The following SOX5 variants were observed in gnomAD, a reference collection of about 807,000 sequenced individuals.
SOX5 encodes transcription factor SOX-5.
In SOX5, 9 loss-of-function variants were observed where a neutral mutation model predicts 92.0. That is an observed-to-expected ratio of 0.10 (90% confidence interval 0.06 to 0.17). The LOEUF is 0.17. SOX5 is among the 10% of genes least tolerant of loss of function. SOX5 has a pLI of 1.00. For missense variants in SOX5, 642 were observed against 944.5 expected, an observed-to-expected ratio of 0.68 and a Z score of 4.20; for synonymous variants, 344 against 336.3, an observed-to-expected ratio of 1.02 and a Z score of -0.25.
chr12:24,296,098 T>C (rs1294142741), intron 2 of SOX5, among the ~76,000 whole-genome samples: 1 of 152,216 alleles, frequency 6.6e-6, no homozygotes, highest in Non-Finnish European at 1.5e-5. Flanking sequence ...AACACAGTGC[T>C]GAAAAACTTC....
chr12:23,546,504 A>G (rs1036451546), intron 11 of SOX5, 80 bp from the exon 12 acceptor site: 2 of 758,414 alleles, frequency 2.6e-6, no homozygotes, highest in Middle Eastern at 2.5e-4. Context: ...CACATATATA[A>G]TACATTAACT....
At chr12:23,735,205 T>C (rs2093544441) in intron 5 of SOX5, among the ~76,000 whole-genome samples, 1 of 152,196 alleles carries the variant, frequency 6.6e-6, no homozygotes, top group Non-Finnish European at 1.5e-5. Context: ...TTTTTGTTTT[T>C]AGGTAAGTAA....
intron 1 of SOX5, among the ~76,000 whole-genome samples, chr12:24,504,898 G>T (rs1054985285): frequency 6.6e-6 from 1 of 151,928 alleles, no homozygotes; most frequent in Non-Finnish European, 1.5e-5. Context: ...TTTTCATGCC[G>T]CATTGAAGAT....
At chr12:24,098,752 C>A (rs561325015) in intron 4 of SOX5, among the ~76,000 whole-genome samples, 2 of 152,240 alleles carry the variant, frequency 1.3e-5, no homozygotes, top group South Asian at 4.1e-4. Context: ...CCAGAAAAGG[C>A]AGACTTGTGC....
chr12:23,564,976 T>A (rs1946824724), intron 10 of SOX5, among the ~76,000 whole-genome samples: 1 of 152,206 alleles, frequency 6.6e-6, no homozygotes, highest in South Asian at 2.1e-4. Context: ...CCTGTTAGTA[T>A]GCGCAGAGTA....
intron 1 of SOX5, among the ~76,000 whole-genome samples, chr12:24,552,902 C>T (rs1953344335): frequency 6.6e-6 from 1 of 152,040 alleles, no homozygotes; most frequent in South Asian, 2.1e-4. Context: ...CATGCTGGCG[C>T]ATGCCTGTGG....
At chr12:24,493,964 T>C (rs1354445841) in intron 1 of SOX5, among the ~76,000 whole-genome samples, 1 of 152,202 alleles carries the variant, frequency 6.6e-6, no homozygotes, top group East Asian at 1.9e-4. Context: ...GCAGAAGTAC[T>C]TGCATCAATT....
intron 1 of SOX5, among the ~76,000 whole-genome samples, chr12:24,524,513 A>G (rs1477624850): frequency 6.6e-6 from 1 of 152,186 alleles, no homozygotes. Context: ...TCAATTGAAA[A>G]AAAAATCCTG....
chr12:23,875,436 G>C (rs1189408437), intron 2 of SOX5, among the ~76,000 whole-genome samples: 1 of 152,008 alleles, frequency 6.6e-6, no homozygotes, highest in Admixed American at 6.6e-5. Flanking sequence ...TGTTTTTCCT[G>C]ATTAAAATGT....
chr12:24,381,545 G>A (rs748644875), intron 1 of SOX5, among the ~76,000 whole-genome samples: 1 of 152,136 alleles, frequency 6.6e-6, no homozygotes, highest in Non-Finnish European at 1.5e-5. Context: ...CCAGTGGATG[G>A]GGTGAGAGCA....
intron 6 of SOX5, among the ~76,000 whole-genome samples, chr12:23,704,713 T>TATATAC: frequency 1.1e-5 from 1 of 89,072 alleles, no homozygotes; most frequent in East Asian, 2.6e-4. Context: ...TATATATATA[T>TATATAC]ATACACACAC....
At chr12:23,683,396 A>C (rs1171107319) in intron 6 of SOX5, among the ~76,000 whole-genome samples, 1 of 151,960 alleles carries the variant, frequency 6.6e-6, no homozygotes, top group Non-Finnish European at 1.5e-5. Context: ...TTCTTGAATT[A>C]ATGCTATCTC....
At position 23,992,041 on chromosome 12, in the gene SOX5, AC is replaced by A. The variant is rs1377429422; in HGVS notation, c.-1-96018del. Among the ~76,000 whole-genome samples, 6 of 152,274 alleles carry A rather than the reference AC, an allele frequency of 3.9e-5. No individual in the cohort carries two copies. In the South Asian group the frequency reaches 8.3e-4, roughly 21 times the overall value. ...TCTTTCATCATCATCAGTAGCAAAAACAAAAATAAGAAATTGACAGCCCTCA... is the reference window on the plus strand; with the variant it reads ...TCTTTCATCATCATCAGTAGCAAAAAAAAAATAAGAAATTGACAGCCCTCA... On this transcript the variant is annotated intron_variant, in intron 4 of 4. Coordinates refer to the SOX5 transcript ENST00000446891.
chr12:23,840,626 C>A (rs1344151844), intron 3 of SOX5, among the ~76,000 whole-genome samples: 1 of 151,978 alleles, frequency 6.6e-6, no homozygotes, highest in Non-Finnish European at 1.5e-5. Flanking sequence ...ACTGGCAAGA[C>A]GATAGACCAA....
At chr12:23,765,124 A>ATGTTCAC (rs2094678622) in intron 3 of SOX5, among the ~76,000 whole-genome samples, 1 of 152,072 alleles carries the variant, frequency 6.6e-6, no homozygotes, top group Admixed American at 6.6e-5. Flanking sequence ...TCGTATATTA[A>ATGTTCAC]AATTTGTATA....
chr12:23,910,279 T>C (rs368404000), intron 1 of SOX5, among the ~76,000 whole-genome samples: 1 of 152,100 alleles, frequency 6.6e-6, no homozygotes, highest in African/African-American at 2.4e-5. Flanking sequence ...GAATATGTAT[T>C]TCAAAGGGAG....
At chr12:24,475,130 C>T (rs967221476) in intron 1 of SOX5, among the ~76,000 whole-genome samples, 5 of 152,160 alleles carry the variant, frequency 3.3e-5, no homozygotes, top group East Asian at 1.9e-4. Flanking sequence ...TGAGCCACTG[C>T]GCCCAGCCCT....
chr12:24,062,710 TAAGTG>T (rs1939971633), intron 4 of SOX5, among the ~76,000 whole-genome samples: 1 of 152,068 alleles, frequency 6.6e-6, no homozygotes, highest in Non-Finnish European at 1.5e-5. Flanking sequence ...TATAAGAAAA[TAAGTG>T]AAGGAAGTAT....
At chr12:24,480,958 G>A (rs1055066969) in intron 1 of SOX5, among the ~76,000 whole-genome samples, 2 of 152,084 alleles carry the variant, frequency 1.3e-5, no homozygotes, top group Non-Finnish European at 2.9e-5. Flanking sequence ...CTACACCCCC[G>A]TGTTTGTTGC....
Sources: gnomAD v4.1 joint callset for allele counts (sites outside exome capture counted in the v4.1 genomes callset) on GRCh38, gnomAD v4.1.1 for gene constraint, MANE v1.5 for transcripts, NCBI Gene and HGNC (gene_info 2026-07-23, HGNC 2026-07-21) for gene names.